Variants in UPF1 observed in about 807,000 individuals in gnomAD.
UPF1 encodes the protein UPF1 RNA helicase and ATPase, also known as regulator of nonsense transcripts 1.
UPF1 carries 9 observed loss-of-function variants against 129.2 expected under a neutral mutation model. The ratio of observed to expected loss-of-function variants is 0.07; its 90% CI spans 0.04 to 0.12. The LOEUF (loss-of-function observed/expected upper bound fraction) is 0.12. UPF1 is among the 10% of genes least tolerant of loss of function. UPF1 has a pLI of 1.00. For missense variants in UPF1, 788 were observed against 1,525.3 expected (o/e 0.52, Z 8.05); for synonymous variants, 649 against 644.9 (o/e 1.01, Z -0.10).
intron 2 of UPF1, 85 bp downstream of exon 2, chr19:18,846,204 C>T (rs1220213317): frequency 1.5e-5 from 24 of 1,569,294 alleles, no homozygotes; most frequent in Non-Finnish European, 1.7e-6. Context: ...CTCCCAGGTA[C>T]AGGGTGGCGC....
chr19:18,856,331 T>C (rs779615649), intron 13 of UPF1, 31 bp downstream of exon 13: 2 of 1,564,884 alleles, frequency 1.3e-6, no homozygotes, highest in East Asian at 2.3e-5. Flanking sequence ...CAAAAGGGCC[T>C]GTGGGCTGGC....
chr19:18,841,239 G>A (rs1392833416), intron 1 of UPF1, among the ~76,000 whole-genome samples: 1 of 152,146 alleles, frequency 6.6e-6, no homozygotes, highest in African/African-American at 2.4e-5. Context: ...TCTTCTCCCT[G>A]TTTTCTTTTT....
At position 18,857,986 on chromosome 19, in the gene UPF1, G is replaced by C. The variant is rs59101521; in HGVS notation, c.2182+453G>C. On this transcript the variant is annotated intron_variant, in intron 15 of 23. Transcript: ENST00000262803. ...CACTCTGCTGACGCTCACACTGCTG[G>C]TGACCCCCTGGTGCTTCTGCAAGAG... 4.6e-5 allele frequency among the ~76,000 whole-genome samples: 7 copies of C among 152,310 alleles called. No homozygotes were observed. In the East Asian group the frequency reaches 1.4e-3, roughly 29 times the overall value.
chr19:18,860,506 C>G (rs1181891002), intron 16 of UPF1, 68 bp downstream of exon 16: 1 of 1,504,364 alleles, frequency 6.6e-7, no homozygotes, highest in Non-Finnish European at 9.2e-7. Flanking sequence ...TTGACCCATT[C>G]TACTTATTTT....
In UPF1 at chr19:18,865,857, A is replaced by C; in HGVS notation, c.3237+79A>C. The C allele has an allele frequency of 1.9e-6, 3 of 1,593,452 alleles. No individual in the cohort carries two copies. Among genetic ancestry groups the C allele is most frequent in the Non-Finnish European group, 2.6e-6 (3 of 1,171,452 alleles). Reference sequence around the variant, plus strand: ...TGAAACATTCCCTCTGAAGAGCCCCAGAGAGCTGGCCTGGCCCATGTCCAC... The same window carrying C: ...TGAAACATTCCCTCTGAAGAGCCCCCGAGAGCTGGCCTGGCCCATGTCCAC... On this transcript the variant is annotated intron_variant, in intron 22 of 23. Transcript: ENST00000262803. This position sits in a 1 kb window ranked among gnomAD's most constrained non-coding sequence, Gnocchi z 6.1.
At chr19:18,852,943 C>A (rs774311614) in intron 6 of UPF1, 44 bp from the exon 7 acceptor site, 2 of 1,551,804 alleles carry the variant, frequency 1.3e-6, no homozygotes, top group Non-Finnish European at 1.8e-6. Context: ...AGGCCCGGGC[C>A]TGTGCTGGAG....
chr19:18,858,237 G>A (rs1456839564), intron 15 of UPF1, among the ~76,000 whole-genome samples: 1 of 152,180 alleles, frequency 6.6e-6, no homozygotes, highest in Non-Finnish European at 1.5e-5. Context: ...CGAACCTGTC[G>A]CTTCATGGAG....
chr19:18,835,285 A>G (rs1001001992), intron 1 of UPF1, among the ~76,000 whole-genome samples: 20 of 151,950 alleles, frequency 1.3e-4, no homozygotes, highest in Non-Finnish European at 2.2e-4. Context: ...CTGGCCGAGC[A>G]TTCAGGAAAA....
At chr19:18,852,382 C>T in intron 6 of UPF1, 86 bp downstream of exon 6, 2 of 1,562,626 alleles carry the variant, frequency 1.3e-6, no homozygotes, top group Non-Finnish European at 1.7e-6. Flanking sequence ...GTTTTCTCTC[C>T]AGGCTGTGGG....
chr19:18,867,110 ACTTTC>A lies in UPF1; in HGVS notation c.*596_*600del. 1 of 152,576 alleles carries A rather than the reference ACTTTC, an allele frequency of 6.6e-6. No individual in the cohort carries two copies. 9.5% of individuals were successfully genotyped at this position (152,576 alleles called of 1,614,324 possible). On this transcript the variant is annotated 3_prime_UTR_variant, in exon 24 of 24. Transcript: ENST00000262803. ...TTCTTTTAAAGGAGTACTGAAGAAT[ACTTTC>A]CTAAGTTTGTCTGTAAAATCTTAGC...
In UPF1 at chr19:18,841,499, C is replaced by T. The variant is rs575442032; in HGVS notation, c.232-4481C>T. On this transcript the variant is annotated intron_variant, in intron 1 of 23. Transcript: ENST00000262803. ...AGTTGGCCTCTCTCCACAGCAGATT[C>T]TTTACTGGGATCCTGGAGGTCCGCT... 2.6e-5 allele frequency among the ~76,000 whole-genome samples: 4 copies of T among 152,336 alleles called. No individual in the cohort carries two copies. The South Asian group carries it at 8.3e-4, about 32-fold the overall frequency.
chr19:18,854,029 C>T (rs1023649683), intron 8 of UPF1, among the ~76,000 whole-genome samples: 4 of 152,172 alleles, frequency 2.6e-5, no homozygotes, highest in Non-Finnish European at 5.9e-5. Context: ...ATCCTGAACA[C>T]GTGAGACCGG....
chr19:18,835,583 A>C (rs1204853430), intron 1 of UPF1, among the ~76,000 whole-genome samples: 1 of 152,182 alleles, frequency 6.6e-6, no homozygotes, highest in East Asian at 1.9e-4. Flanking sequence ...CATGTGGTCC[A>C]CTTGCCTCGG....
intron 1 of UPF1, among the ~76,000 whole-genome samples, chr19:18,844,490 A>AT (rs5827424): frequency 0.78 from 113,608 of 145,542 alleles, 44,220 homozygotes; most frequent in South Asian, 0.83. Context: ...CGTCCAGCTA[A>AT]TTTTTTTTTT....
At chr19:18,843,255 A>G (rs539380540) in intron 1 of UPF1, among the ~76,000 whole-genome samples, 5 of 152,184 alleles carry the variant, frequency 3.3e-5, no homozygotes, top group African/African-American at 1.2e-4. Context: ...TGCTGGGCTC[A>G]TGGCAGGGAG....
intron 1 of UPF1, among the ~76,000 whole-genome samples, chr19:18,836,727 A>G (rs554886448): frequency 2.3e-3 from 351 of 151,622 alleles, no homozygotes; most frequent in Admixed American, 4.9e-3. Context: ...AAGAAAAGTC[A>G]GGGAGATACC....
rs759094775 is a variant in UPF1, at chr19:18,866,106, G to C, written c.3300G>C (p.Thr1100=). ...ACGTGGCGCTCTCACAGGACTCCAC[G>C]TACCAGGGAGAGCGGGCTTACCAGC... ...QIDVALSQDS[T]YQGERAYQHG... The change falls in exon 23 of 24, where the codon ACG becomes ACC. Residue 1100 remains threonine, a synonymous_variant. Transcript: ENST00000262803. 3.7e-6 allele frequency: 6 copies of C among 1,612,446 alleles called. No homozygotes were observed. Among genetic ancestry groups the C allele is most frequent in the South Asian group, 1.1e-5 (1 of 90,920 alleles).
chr19:18,861,955 G>T (rs138307785), intron 17 of UPF1, 55 bp from the exon 18 acceptor site: 8 of 1,599,326 alleles, frequency 5.0e-6, no homozygotes, highest in South Asian at 1.1e-5. Context: ...CTGCATTTTG[G>T]GGGGACTGGG....
intron 16 of UPF1, 126 bp downstream of exon 16, chr19:18,860,564 T>C (rs2055767284): frequency 3.0e-6 from 3 of 1,014,112 alleles, no homozygotes; most frequent in Non-Finnish European, 3.0e-6. Flanking sequence ...GTTTAGCCTG[T>C]TTAGACTCTA....
Sources: allele counts gnomAD v4.1 joint callset (sites outside exome capture counted in the v4.1 genomes callset), GRCh38; gene constraint gnomAD v4.1.1; non-coding constraint Gnocchi (gnomAD v3.1); transcripts MANE v1.5; gene names NCBI Gene and HGNC (gene_info 2026-07-23, HGNC 2026-07-21).